OPA1: variants seen among roughly 807,000 people sequenced by gnomAD.
OPA1 encodes the protein dynamin-like GTPase OPA1, mitochondrial.
OPA1 carries 59 observed loss-of-function variants against 152.9 expected under a neutral mutation model. The observed-to-expected ratio is 0.39, with a 90% CI of 0.31 to 0.48. The LOEUF is 0.48. OPA1 is among the 20% of genes least tolerant of loss of function. The pLI, the probability that OPA1 is intolerant of heterozygous loss-of-function variation, is 0.96. For synonymous variants in OPA1, 400 were observed against 389.9 expected, an observed-to-expected ratio of 1.03 and a Z score of -0.31; for missense variants, 1,008 against 1,216.8, an observed-to-expected ratio of 0.83 and a Z score of 2.55.
intron 1 of OPA1, among the ~76,000 whole-genome samples, chr3:193,597,775 CT>C (rs1237605948): frequency 4.0e-5 from 6 of 150,382 alleles, no homozygotes; most frequent in African/African-American, 9.8e-5. Flanking sequence ...AAATGGGGTA[CT>C]TTTTTTCCCC....
chr3:193,687,063 T>A (rs1292427835), intron 29 of OPA1, among the ~76,000 whole-genome samples: 1 of 152,256 alleles, frequency 6.6e-6, no homozygotes, highest in Non-Finnish European at 1.5e-5. Context: ...GTATTCACAG[T>A]GTATTCAAAA....
intron 6 of OPA1, 163 bp from the exon 7 acceptor site, chr3:193,625,929 A>T: frequency 1.6e-6 from 1 of 642,922 alleles, no homozygotes; most frequent in Non-Finnish European, 2.9e-6. Context: ...GAAAATGGAA[A>T]TGCGGTACAG....
chr3:193,594,818 A>T (rs1725254346), intron 1 of OPA1, among the ~76,000 whole-genome samples: 1 of 152,214 alleles, frequency 6.6e-6, no homozygotes, highest in Non-Finnish European at 1.5e-5. Context: ...GTCTTTGAGT[A>T]AGTTCACAGC....
chr3:193,643,817 G>T, intron 15 of OPA1, 158 bp from the exon 16 acceptor site: 1 of 961,006 alleles, frequency 1.0e-6, no homozygotes. Context: ...AAGCATCATT[G>T]AAATTTTTAT....
chr3:193,667,186 A>G lies in OPA1; in HGVS notation c.2889A>G (p.Lys963=), dbSNP rs140177881. The change falls in exon 29 of 31, where the codon AAA becomes AAG. Residue 963 remains lysine (K), a synonymous_variant. Coordinates refer to ENST00000361510, the MANE Select transcript of OPA1 (RefSeq NM_130837.3). ...LTNTEVRRLE[K]NVKEVLEDFA... ...TTTAAACAGTTAGGCGATTAGAGAA[A>G]AATGTTAAAGAGGTATTGGAAGATT... is the stretch of plus-strand genomic sequence containing the variant. The G allele has an allele frequency of 1.3e-6, 2 of 1,577,534 alleles. No individual in the cohort carries two copies. The highest frequency in any genetic ancestry group is 8.7e-7 in the Non-Finnish European group (1 of 1,146,846).
At chr3:193,596,698 A>C (rs1428100812) in intron 1 of OPA1, 11 of 152,226 alleles carry the variant, frequency 7.2e-5, no homozygotes, top group Admixed American at 4.6e-4. Flanking sequence ...GAATAACAAC[A>C]AGGAGTACGC....
At chr3:193,593,851 G>A (rs1725056445) in intron 1 of OPA1, among the ~76,000 whole-genome samples, 1 of 151,884 alleles carries the variant, frequency 6.6e-6, no homozygotes, top group East Asian at 2.0e-4. Context: ...CACGCCATGT[G>A]TACATTGCAT....
intron 21 of OPA1, among the ~76,000 whole-genome samples, 188 bp from the exon 22 acceptor site, chr3:193,654,674 C>T (rs2109136899): frequency 6.6e-6 from 1 of 152,192 alleles, no homozygotes; most frequent in South Asian, 2.1e-4. Flanking sequence ...CCAGTGGTTA[C>T]AACTTTTGAG....
At chr3:193,624,939 C>A (rs1730816876) in intron 6 of OPA1, among the ~76,000 whole-genome samples, 2 of 151,982 alleles carry the variant, frequency 1.3e-5, no homozygotes, top group Non-Finnish European at 2.9e-5. Flanking sequence ...TAATAAATAC[C>A]CATTTTCCTC....
At chr3:193,609,373 T>G (rs1414275788) in intron 1 of OPA1, among the ~76,000 whole-genome samples, 1 of 152,242 alleles carries the variant, frequency 6.6e-6, no homozygotes, top group African/African-American at 2.4e-5. Flanking sequence ...GCCTCCACTC[T>G]CTTCTGGCGT....
rs1577312090 is a variant in OPA1 at position 193,660,701 on chromosome 3, A to G, written c.2520+1140A>G. On this transcript the variant is annotated intron_variant, in intron 25 of 30. Transcript: ENST00000361510. ...TTCTTTTTCTCTGTGTTTCTTTACT[A>G]TTTTTTTTTTTGGTAATGACTTTTG... Among the ~76,000 whole-genome samples, 3 of 145,656 alleles carry G rather than the reference A, an allele frequency of 2.1e-5. No homozygotes were observed. The South Asian group carries it at 6.5e-4, about 32-fold the overall frequency.
At chr3:193,672,714 C>T (rs1034918764) in intron 29 of OPA1, among the ~76,000 whole-genome samples, 2 of 152,040 alleles carry the variant, frequency 1.3e-5, no homozygotes, top group Admixed American at 6.5e-5. Context: ...ACTAAAAATG[C>T]GAAAATTAGC....
At chr3:193,594,337 G>A (rs1398723621) in intron 1 of OPA1, among the ~76,000 whole-genome samples, 1 of 152,158 alleles carries the variant, frequency 6.6e-6, no homozygotes, top group Admixed American at 6.5e-5. Flanking sequence ...ACCTTTTTAA[G>A]TGGTATAGAT....
intron 29 of OPA1, among the ~76,000 whole-genome samples, chr3:193,674,048 G>A (rs534167274): frequency 6.6e-5 from 10 of 152,330 alleles, no homozygotes; most frequent in Non-Finnish European, 1.0e-4. Context: ...TCGCAGCAGC[G>A]TGCTCGGCCT....
At chr3:193,594,544 C>A (rs979508904) in intron 1 of OPA1, among the ~76,000 whole-genome samples, 1 of 152,168 alleles carries the variant, frequency 6.6e-6, no homozygotes, top group Non-Finnish European at 1.5e-5. Context: ...CGCGCCAGCA[C>A]GCCTAGCTAA....
intron 7 of OPA1, among the ~76,000 whole-genome samples, chr3:193,630,605 TCAA>T (rs1349720831): frequency 6.6e-6 from 1 of 152,142 alleles, no homozygotes; most frequent in Non-Finnish European, 1.5e-5. Flanking sequence ...TGAATGAAGA[TCAA>T]CAAGGATTTA....
intron 29 of OPA1, 95 bp downstream of exon 29, chr3:193,667,375 G>A: frequency 1.3e-6 from 1 of 788,958 alleles, no homozygotes; most frequent in Non-Finnish European, 2.3e-6. Flanking sequence ...TTACAGAAAA[G>A]TTACAAGGAA....
intron 29 of OPA1, chr3:193,668,301 C>T: frequency 1.3e-6 from 2 of 1,537,984 alleles, no homozygotes; most frequent in Non-Finnish European, 1.8e-6. Flanking sequence ...AAGATATGTC[C>T]TTTTCCATTG....
rs201301622 is a variant in OPA1, at chr3:193,645,574, A to G, written c.1630A>G (p.Lys544Glu). Residue 544 changes from lysine (K) to glutamate (E), a missense_variant, in exon 17 of 31, where the codon AAG becomes GAG. Lys to Glu is a moderately conservative substitution (Grantham distance 56). Transcript: ENST00000361510. Reference sequence around the variant, plus strand: ...ATAGATTCAGCAGATAATTGAAGGAAAGCTCTTCCCAATGAAAGCTTTAGG... The same window carrying G: ...ATAGATTCAGCAGATAATTGAAGGAGAGCTCTTCCCAATGAAAGCTTTAGG... ...PSRIQQIIEG[K>E]LFPMKALGYF... 8 of 1,612,968 alleles carry G rather than the reference A, an allele frequency of 5.0e-6. No individual in the cohort carries two copies. The East Asian group carries it at 8.9e-5, about 18-fold the overall frequency.
Sources: allele counts gnomAD v4.1 joint callset (sites outside exome capture counted in the v4.1 genomes callset), GRCh38; gene constraint gnomAD v4.1.1; transcripts MANE v1.5; gene names NCBI Gene and HGNC (gene_info 2026-07-23, HGNC 2026-07-21).